The following EBF3 variants were observed in gnomAD, a reference collection of about 807,000 sequenced individuals.
The protein encoded by EBF3 is EBF transcription factor 3.
EBF3 carries 18 observed loss-of-function variants against 77.1 expected under a neutral mutation model. The observed-to-expected ratio is 0.23, with a 90% CI of 0.16 to 0.35. The LOEUF (loss-of-function observed/expected upper bound fraction) is 0.35. EBF3 is among the 10% of genes least tolerant of loss of function. EBF3 has a pLI of 1.00. For missense variants in EBF3, 558 were observed against 860.0 expected, an observed-to-expected ratio of 0.65 and a Z score of 4.39; for synonymous variants, 350 against 343.5, an observed-to-expected ratio of 1.02 and a Z score of -0.21.
At chr10:129,925,159 G>T (rs948956587) in intron 6 of EBF3, among the ~76,000 whole-genome samples, 1 of 152,018 alleles carries the variant, frequency 6.6e-6, no homozygotes, top group Non-Finnish European at 1.5e-5. Context: ...AAAGTAATGG[G>T]CCAGGCGCAG....
intron 10 of EBF3, among the ~76,000 whole-genome samples, chr10:129,862,680 C>G (rs1851725506): frequency 6.6e-6 from 1 of 152,178 alleles, no homozygotes. Context: ...GTAACACACG[C>G]ATTTGTGCCA....
chr10:129,894,953 AGCACAAAGTCCTGG>A (rs1854266420), intron 6 of EBF3, among the ~76,000 whole-genome samples: 1 of 152,158 alleles, frequency 6.6e-6, no homozygotes, highest in South Asian at 2.1e-4. Context: ...TGGGTCAGTG[AGCACAAAGTCCTGG>A]GCACCTTCTG....
intron 6 of EBF3, among the ~76,000 whole-genome samples, chr10:129,906,979 T>A (rs1855191436): frequency 6.6e-6 from 1 of 152,212 alleles, no homozygotes. Context: ...AATGAAATGA[T>A]GAAAGTTGCC....
intron 8 of EBF3, among the ~76,000 whole-genome samples, chr10:129,868,416 T>C (rs1307154857): frequency 6.6e-6 from 1 of 152,236 alleles, no homozygotes; most frequent in African/African-American, 2.4e-5. Flanking sequence ...TTTTCACTTT[T>C]CATCAGGAAA....
intron 6 of EBF3, among the ~76,000 whole-genome samples, chr10:129,914,388 T>G (rs1305302442): frequency 6.6e-6 from 1 of 151,912 alleles, no homozygotes; most frequent in Non-Finnish European, 1.5e-5. Context: ...CTGGGGAAGG[T>G]GGGGCACAGG....
intron 6 of EBF3, among the ~76,000 whole-genome samples, chr10:129,922,764 G>A (rs954092955): frequency 6.6e-6 from 1 of 152,182 alleles, no homozygotes; most frequent in Non-Finnish European, 1.5e-5. Flanking sequence ...GTGGGGCTGG[G>A]GGCTGACGGG....
intron 11 of EBF3, among the ~76,000 whole-genome samples, chr10:129,847,086 G>C (rs773823951): frequency 2.0e-5 from 3 of 152,130 alleles, no homozygotes; most frequent in Non-Finnish European, 1.5e-5. Flanking sequence ...AACACCAGCT[G>C]CCAGCGGGGA....
chr10:129,837,777 A>AGATTT lies in EBF3; in HGVS notation c.*165_*166insAAATC, dbSNP rs1849699240. 1.2e-6 allele frequency: 1 copy of AGATTT among 852,970 alleles called. No homozygotes were observed. The highest frequency in any genetic ancestry group is 1.8e-6 in the Non-Finnish European group (1 of 546,548). The allele number at this position is 852,970 out of a possible 1,614,324, so 52.8% of individuals were successfully genotyped here. On this transcript the variant is annotated 3_prime_UTR_variant, in exon 17 of 17. Transcript: ENST00000440978. Reference sequence around the variant, plus strand: ...TGCATGTTGATTCTTAATAGTTTAAATAAAATCTTTAAACAAAGTCTTTTG... The same window carrying AGATTT: ...TGCATGTTGATTCTTAATAGTTTAAAGATTTTAAAATCTTTAAACAAAGTCTTTTG...
intron 6 of EBF3, among the ~76,000 whole-genome samples, chr10:129,892,002 G>T (rs1333432294): frequency 6.6e-6 from 1 of 152,228 alleles, no homozygotes. Flanking sequence ...AGCCAATCAG[G>T]CTGTTAAGGG....
At position 129,873,565 on chromosome 10, in the gene EBF3, C is replaced by A; in HGVS notation, c.668G>T (p.Gly223Val). 1.3e-6 allele frequency: 2 copies of A among 1,565,912 alleles called. No homozygotes were observed. The highest frequency in any genetic ancestry group is 1.9e-5 in the Admixed American group (1 of 53,178). The change falls in exon 8 of 17, where the codon GGC (glycine) becomes GTC (valine). Residue 223 changes from glycine (G) to valine (V), a missense_variant. Physicochemically the swap from Gly to Val is moderately radical, Grantham distance 109. Transcript: ENST00000440978. ...GTTGTCTGACACGGCCAGCACGTGG[C>A]CGTCCACGTTGACTGTTGTCGATAC... ...VVVSTTVNVD[G>V]HVLAVSDNMF... is the part of the protein sequence containing the mutation.
intron 10 of EBF3, among the ~76,000 whole-genome samples, chr10:129,860,983 T>C (rs1274172272): frequency 6.6e-6 from 1 of 152,246 alleles, no homozygotes; most frequent in African/African-American, 2.4e-5. Flanking sequence ...ACTTGTGCAA[T>C]AGCACAAACG....
chr10:129,920,747 G>A (rs960643987), intron 6 of EBF3, among the ~76,000 whole-genome samples: 25 of 152,256 alleles, frequency 1.6e-4, no homozygotes, highest in African/African-American at 6.0e-4. Context: ...GTGGCAGCAG[G>A]TGCGCTGCCA....
chr10:129,918,356 G>GAGAAGTCA (rs1277727400), intron 6 of EBF3, among the ~76,000 whole-genome samples: 9 of 152,224 alleles, frequency 5.9e-5, no homozygotes, highest in Admixed American at 5.9e-4. Context: ...AAACTGAGGG[G>GAGAAGTCA]AGAAGTCAAG....
At position 129,962,916 on chromosome 10, in the gene EBF3, G is replaced by A. The variant is rs1033786920; in HGVS notation, c.355+26C>T. 1.9e-6 allele frequency: 3 copies of A among 1,613,122 alleles called. No individual in the cohort carries two copies. The African/African-American group carries it at 4.0e-5, about 22-fold the overall frequency. On this transcript the variant is annotated intron_variant, in intron 3 of 16. Coordinates refer to ENST00000440978, the MANE Select transcript of EBF3 (RefSeq NM_001375380.1). ...AAAAGGAGAGCCAGCCGCTGCAGGG[G>A]CGGCGAGCACGCAGCAGGCACTTAC... is the stretch of plus-strand genomic sequence containing the variant.
chr10:129,919,884 A>G lies in EBF3; in HGVS notation c.554+37374T>C, dbSNP rs185252161. Among the ~76,000 whole-genome samples the G allele has an allele frequency of 1.6e-3, 247 of 152,248 alleles. 1 individual carries two copies. Among genetic ancestry groups the G allele is most frequent in the African/African-American group, 5.7e-3 (237 of 41,552 alleles). On this transcript the variant is annotated intron_variant, in intron 6 of 16. Coordinates refer to ENST00000440978, the MANE Select transcript of EBF3 (RefSeq NM_001375380.1). ...AGTCTGCCCAGTGCCGGGCACCTGT[A>G]GATGCCCCAGAGATGCCGCTTAATC...
intron 16 of EBF3, 57 bp from the exon 17 acceptor site, chr10:129,838,017 AACGCTG>A (rs1454613703): frequency 2.5e-6 from 4 of 1,602,700 alleles, no homozygotes; most frequent in Admixed American, 3.3e-5. Flanking sequence ...CCCTCCCGCC[AACGCTG>A]ACGCGGGCGG....
At chr10:129,960,230 C>A (rs974600984) in intron 4 of EBF3, among the ~76,000 whole-genome samples, 5 of 152,248 alleles carry the variant, frequency 3.3e-5, no homozygotes, top group Admixed American at 1.3e-4. Flanking sequence ...TTCCCGCCCC[C>A]ACCCCTGAAA....
intron 7 of EBF3, among the ~76,000 whole-genome samples, chr10:129,876,729 G>T (rs1008358573): frequency 2.0e-5 from 3 of 152,282 alleles, no homozygotes; most frequent in African/African-American, 7.2e-5. Flanking sequence ...TTCTCTGGCT[G>T]GTTTTGTATT....
chr10:129,866,773 G>A (rs912139484), intron 10 of EBF3, among the ~76,000 whole-genome samples: 2 of 152,192 alleles, frequency 1.3e-5, no homozygotes, highest in African/African-American at 2.4e-5. Context: ...ATAGAGACCG[G>A]TGGACACACG....
Sources: gnomAD v4.1 joint callset for allele counts (sites outside exome capture counted in the v4.1 genomes callset) on GRCh38, gnomAD v4.1.1 for gene constraint, MANE v1.5 for transcripts, NCBI Gene and HGNC (gene_info 2026-07-23, HGNC 2026-07-21) for gene names.